Variants in FBXW11 observed in about 807,000 individuals in gnomAD.
FBXW11 encodes the protein F-box/WD repeat-containing protein 11.
FBXW11 carries 19 observed loss-of-function variants against 77.6 expected under a neutral mutation model. The observed-to-expected ratio is 0.24, with a 90% CI of 0.17 to 0.36. The LOEUF is 0.36. FBXW11 is among the 10% of genes least tolerant of loss of function. The probability of loss-of-function intolerance (pLI) is 1.00; values close to 1 mark genes in which losing one functional copy is unlikely to be tolerated. For synonymous variants in FBXW11, 235 were observed against 249.4 expected, an observed-to-expected ratio of 0.94 and a Z score of 0.54; for missense variants, 334 against 704.2, an observed-to-expected ratio of 0.47 and a Z score of 5.95.
At chr5:171,900,238 C>T (rs1760023510) in intron 4 of FBXW11, 138 bp from the exon 5 acceptor site, 1 of 676,390 alleles carries the variant, frequency 1.5e-6, no homozygotes, top group Non-Finnish European at 2.4e-6. Context: ...TCTACAGATA[C>T]TCAAATCCAT....
rs866479536 is a variant in FBXW11, at chr5:171,904,183, C to T, written c.437-4083G>A. Among the ~76,000 whole-genome samples, 5 of 52,518 alleles carry T rather than the reference C, an allele frequency of 9.5e-5. No homozygotes were observed. Among genetic ancestry groups the T allele is most frequent in the Non-Finnish European group, 1.1e-4 (3 of 26,766 alleles). The allele number at this position is 52,518 out of a possible 152,430, so 34.5% of individuals were successfully genotyped here. ...TGGCACACGCCTGTAATCCCAGCTACTTGGCAGGATGAGGCGCGCGAGAAC... is the reference window on the plus strand; with the variant it reads ...TGGCACACGCCTGTAATCCCAGCTATTTGGCAGGATGAGGCGCGCGAGAAC... On this transcript the variant is annotated intron_variant, in intron 4 of 13. Coordinates refer to ENST00000517395, the MANE Select transcript of FBXW11 (RefSeq NM_001378974.1). The surrounding 1 kb of genome is among the most constrained non-coding windows in gnomAD (Gnocchi z 4.0).
chr5:171,892,964 C>A (rs1422605284), intron 6 of FBXW11, among the ~76,000 whole-genome samples: 1 of 152,140 alleles, frequency 6.6e-6, no homozygotes, highest in Admixed American at 6.6e-5. Context: ...AAGATAGTAT[C>A]CTTCTGTGCA....
At chr5:171,980,463 A>T (rs1765079155) in intron 1 of FBXW11, among the ~76,000 whole-genome samples, 1 of 152,246 alleles carries the variant, frequency 6.6e-6, no homozygotes, top group Non-Finnish European at 1.5e-5. Flanking sequence ...GATGTCTGCA[A>T]TATACGCATC....
At chr5:171,932,056 G>T (rs1016283543) in intron 2 of FBXW11, among the ~76,000 whole-genome samples, 1 of 151,850 alleles carries the variant, frequency 6.6e-6, no homozygotes, top group Non-Finnish European at 1.5e-5. Flanking sequence ...TGTATATTTT[G>T]TGGAGATGAG....
At chr5:171,995,314 A>G (rs1419217837) in intron 1 of FBXW11, among the ~76,000 whole-genome samples, 1 of 152,232 alleles carries the variant, frequency 6.6e-6, no homozygotes, top group African/African-American at 2.4e-5. Flanking sequence ...TTCCCTGTAT[A>G]AAGCACATCT....
intron 1 of FBXW11, among the ~76,000 whole-genome samples, chr5:171,994,187 T>C (rs1289444538): frequency 1.3e-5 from 2 of 152,194 alleles, no homozygotes; most frequent in Non-Finnish European, 2.9e-5. Context: ...GATACTCTAA[T>C]CTACAGGTAA....
At chr5:171,964,167 A>G (rs1022909614) in intron 1 of FBXW11, among the ~76,000 whole-genome samples, 7 of 152,362 alleles carry the variant, frequency 4.6e-5, no homozygotes, top group Non-Finnish European at 8.8e-5. Context: ...CAGATGGGCT[A>G]CAAAGAGTAG....
chr5:172,005,754 T>C (rs1766711727), intron 1 of FBXW11, among the ~76,000 whole-genome samples: 1 of 152,106 alleles, frequency 6.6e-6, no homozygotes, highest in Non-Finnish European at 1.5e-5. Context: ...AAACGTGAAG[T>C]TGCGCCTTCT....
intron 1 of FBXW11, among the ~76,000 whole-genome samples, chr5:171,995,931 G>A (rs191504816): frequency 3.4e-3 from 513 of 152,272 alleles, no homozygotes; most frequent in Non-Finnish European, 5.8e-3. Context: ...AAGAGTCAGA[G>A]CTTTGAGGAC....
intron 4 of FBXW11, among the ~76,000 whole-genome samples, chr5:171,905,640 T>C (rs1011754139): frequency 4.9e-5 from 7 of 143,890 alleles, no homozygotes; most frequent in Non-Finnish European, 9.2e-5. Flanking sequence ...CTTAAATGTT[T>C]TGAGAAGAAC....
At chr5:171,933,506 A>T (rs1000268992) in intron 2 of FBXW11, among the ~76,000 whole-genome samples, 1 of 152,224 alleles carries the variant, frequency 6.6e-6, no homozygotes, top group Non-Finnish European at 1.5e-5. Flanking sequence ...ACTTCGGGTG[A>T]TAATGGTGTG....
chr5:171,992,953 C>T (rs1765833289), intron 1 of FBXW11, among the ~76,000 whole-genome samples: 1 of 151,996 alleles, frequency 6.6e-6, no homozygotes, highest in African/African-American at 2.4e-5. Flanking sequence ...TGGATTACAG[C>T]AGTGATAAAG....
chr5:171,866,238 C>T (rs185063626), intron 13 of FBXW11, among the ~76,000 whole-genome samples: 18 of 151,066 alleles, frequency 1.2e-4, no homozygotes, highest in Admixed American at 1.1e-3. Context: ...GCACTCCAGC[C>T]TGGGTGACAG....
At position 171,863,308 on chromosome 5, in the gene FBXW11, G is replaced by A. The variant is rs751233372; in HGVS notation, c.*819C>T. 2 of 152,678 alleles carry A rather than the reference G, an allele frequency of 1.3e-5. No individual in the cohort carries two copies. The highest frequency in any genetic ancestry group is 6.5e-5 in the Admixed American group (1 of 15,272). The allele number at this position is 152,678 out of a possible 1,614,324, so 9.5% of individuals were successfully genotyped here. The stretch of plus-strand genomic sequence containing the variant: ...CTGTATTAGTGTCTCAAGCACAGGG[G>A]GCCCTGACTCCAGCAACTTTGAGGT... On this transcript the variant is annotated 3_prime_UTR_variant, in exon 14 of 14. Coordinates refer to ENST00000517395, the MANE Select transcript of FBXW11 (RefSeq NM_001378974.1).
chr5:171,976,169 G>A (rs1201344825), intron 1 of FBXW11, among the ~76,000 whole-genome samples: 4 of 152,118 alleles, frequency 2.6e-5, no homozygotes, highest in East Asian at 3.9e-4. Context: ...CTATCTGGAC[G>A]ACTTACAAGT....
At chr5:171,893,440 A>AAAC (rs1466931291) in intron 6 of FBXW11, among the ~76,000 whole-genome samples, 1 of 148,234 alleles carries the variant, frequency 6.7e-6, no homozygotes, top group African/African-American at 2.5e-5. Flanking sequence ...AAAAAAAAAA[A>AAAC]AAAAAAACTA....
intron 1 of FBXW11, among the ~76,000 whole-genome samples, chr5:171,972,516 A>AAG (rs1764593744): frequency 6.7e-6 from 1 of 149,170 alleles, no homozygotes; most frequent in African/African-American, 2.5e-5. Flanking sequence ...AAAAAAAAAA[A>AAG]AAAAAAAAAA....
chr5:171,916,511 G>A, intron 2 of FBXW11: 1 of 971,056 alleles, frequency 1.0e-6, no homozygotes, highest in Non-Finnish European at 1.2e-6. Context: ...CTGGAGTGGT[G>A]AAAGCAGTAA....
In FBXW11 at chr5:171,937,812, A is replaced by C. The variant is rs1387126002; in HGVS notation, c.147+19785T>G. On this transcript the variant is annotated intron_variant, in intron 2 of 13. Transcript: ENST00000517395. ...CACTGTACTCCAACTTAGGTGAGAGAATGAGACCTTGGCTCAAAAAAAAGC... is the reference window on the plus strand; with the variant it reads ...CACTGTACTCCAACTTAGGTGAGAGCATGAGACCTTGGCTCAAAAAAAAGC... 3.3e-5 allele frequency among the ~76,000 whole-genome samples: 5 copies of C among 151,132 alleles called. 1 individual carries two copies. The highest frequency in any genetic ancestry group is 4.2e-4 in the South Asian group (2 of 4,746).
Sources: allele counts gnomAD v4.1 joint callset (sites outside exome capture counted in the v4.1 genomes callset), GRCh38; gene constraint gnomAD v4.1.1; non-coding constraint Gnocchi (gnomAD v3.1); transcripts MANE v1.5; gene names NCBI Gene and HGNC (gene_info 2026-07-23, HGNC 2026-07-21).